The following GALNT13 variants were observed in gnomAD, a reference collection of about 807,000 sequenced individuals.
The protein encoded by GALNT13 is polypeptide N-acetylgalactosaminyltransferase 13.
Under a neutral mutation model 64.2 loss-of-function variants are expected in GALNT13, and 28 were observed. The ratio of observed to expected loss-of-function variants is 0.44; its 90% CI spans 0.32 to 0.60. The LOEUF (loss-of-function observed/expected upper bound fraction) is 0.60, where lower values mean the gene tolerates loss of function less well. GALNT13 is among the 20% of genes least tolerant of loss of function. The pLI is 0.05. For synonymous variants in GALNT13, 214 were observed against 224.6 expected, an observed-to-expected ratio of 0.95 and a Z score of 0.42; for missense variants, 577 against 669.8, an observed-to-expected ratio of 0.86 and a Z score of 1.53.
chr2:154,396,909 T>G (rs1194742463), intron 10 of GALNT13, among the ~76,000 whole-genome samples: 3 of 150,472 alleles, frequency 2.0e-5, no homozygotes, highest in African/African-American at 7.3e-5. Flanking sequence ...CTGTATATAA[T>G]GTATGTATAA....
At chr2:154,297,369 T>G (rs945160532) in intron 8 of GALNT13, among the ~76,000 whole-genome samples, 3 of 152,136 alleles carry the variant, frequency 2.0e-5, no homozygotes, top group Non-Finnish European at 4.4e-5. Flanking sequence ...ATTCATGTAT[T>G]GAAGCCTTCA....
chr2:153,564,297 A>G, the GALNT13 span, among the ~76,000 whole-genome samples: 1 of 152,066 alleles, frequency 6.6e-6, no homozygotes, highest in African/African-American at 2.4e-5. Context: ...TGCACTCTCA[A>G]TTCTATCCTC....
In GALNT13 at chr2:154,375,364, C is replaced by T. The variant is rs183512100; in HGVS notation, c.1157-20627C>T. Among the ~76,000 whole-genome samples, 15 of 152,186 alleles carry T rather than the reference C, an allele frequency of 9.9e-5. No individual in the cohort carries two copies. In the East Asian group the frequency reaches 2.7e-3, roughly 27 times the overall value. Reference sequence around the variant, plus strand: ...AAAAAGATAGAGCTATACATAGGGACAAGGAGGAAACACAGTAAGTCTTCA... The same window carrying T: ...AAAAAGATAGAGCTATACATAGGGATAAGGAGGAAACACAGTAAGTCTTCA... On this transcript the variant is annotated intron_variant, in intron 9 of 12. Transcript: ENST00000392825.
chr2:154,359,695 AC>A (rs1392535033), intron 9 of GALNT13, among the ~76,000 whole-genome samples: 1 of 152,132 alleles, frequency 6.6e-6, no homozygotes. Flanking sequence ...GAATGTAAAC[AC>A]AATTACCAAG....
chr2:154,454,885 A>G (rs1467705821), downstream of GALNT13, among the ~76,000 whole-genome samples: 2 of 152,106 alleles, frequency 1.3e-5, no homozygotes, highest in African/African-American at 4.8e-5. Flanking sequence ...TTTTCCTTCT[A>G]ATTATCTTCA....
the GALNT13 span, among the ~76,000 whole-genome samples, chr2:153,600,607 C>A: frequency 6.6e-6 from 1 of 151,972 alleles, no homozygotes. Flanking sequence ...CCTAATTGAT[C>A]AAGCTTTACA....
chr2:153,357,111 A>T, the GALNT13 span: 2 of 152,114 alleles, frequency 1.3e-5, no homozygotes, highest in Admixed American at 6.6e-5. Context: ...CCCGACAGAG[A>T]TCTGGAAATT....
chr2:153,745,466 G>C, the GALNT13 span, among the ~76,000 whole-genome samples: 1 of 152,094 alleles, frequency 6.6e-6, no homozygotes, highest in African/African-American at 2.4e-5. Flanking sequence ...TGAATGCAGA[G>C]AAATGTGTTA....
chr2:153,468,249 A>G, the GALNT13 span, among the ~76,000 whole-genome samples: 1 of 152,120 alleles, frequency 6.6e-6, no homozygotes, highest in Non-Finnish European at 1.5e-5. Context: ...TTCTCTACAC[A>G]GCACATTAAG....
At chr2:154,433,577 A>T (rs2105453895) in intron 11 of GALNT13, among the ~76,000 whole-genome samples, 1 of 152,290 alleles carries the variant, frequency 6.6e-6, no homozygotes, top group South Asian at 2.1e-4. Context: ...AAAAAGCTTA[A>T]GTCGTAAAAC....
chr2:154,456,234 C>A (rs72873831), downstream of GALNT13, among the ~76,000 whole-genome samples: 5 of 142,580 alleles, frequency 3.5e-5, no homozygotes, highest in Non-Finnish European at 7.7e-5. Flanking sequence ...GTAGCCACAG[C>A]TAGAAAGGAG....
intron 2 of GALNT13, among the ~76,000 whole-genome samples, chr2:153,932,819 G>A (rs1223118968): frequency 1.3e-5 from 2 of 151,492 alleles, no homozygotes; most frequent in Non-Finnish European, 2.9e-5. Context: ...GTAGAGATGG[G>A]GTTTCACTAT....
chr2:153,791,338 A>G, the GALNT13 span, among the ~76,000 whole-genome samples: 1 of 152,186 alleles, frequency 6.6e-6, no homozygotes, highest in African/African-American at 2.4e-5. Context: ...ATCTCACACC[A>G]GTCATAATGG....
chr2:154,279,011 A>G (rs1691812178), intron 8 of GALNT13, among the ~76,000 whole-genome samples: 1 of 152,158 alleles, frequency 6.6e-6, no homozygotes, highest in South Asian at 2.1e-4. Flanking sequence ...ATATGCGGTG[A>G]TATCTAAAAA....
the GALNT13 span, among the ~76,000 whole-genome samples, chr2:153,764,800 C>T: frequency 1.3e-5 from 2 of 152,202 alleles, no homozygotes; most frequent in South Asian, 2.1e-4. Flanking sequence ...CCCAGGGCCC[C>T]CTGCTGTGTG....
the GALNT13 span, among the ~76,000 whole-genome samples, chr2:153,818,764 A>G: frequency 3.3e-5 from 5 of 152,070 alleles, no homozygotes; most frequent in Non-Finnish European, 5.9e-5. Context: ...CTCCCCAGTA[A>G]AGGCCCACAG....
At chr2:153,762,209 TCTCTC>T in the GALNT13 span, 49,945 of 151,716 alleles carry the variant, frequency 0.33, 8,581 homozygotes, top group Non-Finnish European at 0.35. Context: ...ACACTATACT[TCTCTC>T]CTCTTTTTTT....
the GALNT13 span, among the ~76,000 whole-genome samples, chr2:153,651,860 G>A: frequency 6.6e-6 from 1 of 152,016 alleles, no homozygotes; most frequent in African/African-American, 2.4e-5. Flanking sequence ...AAGAAGATGT[G>A]GTATATTTGT....
intron 11 of GALNT13, among the ~76,000 whole-genome samples, chr2:154,428,651 C>G (rs541415173): frequency 4.6e-4 from 70 of 152,192 alleles, no homozygotes; most frequent in African/African-American, 1.6e-3. Flanking sequence ...TGGAGCATGT[C>G]TATTGGCTTC....
Sources: gnomAD v4.1 joint callset for allele counts (sites outside exome capture counted in the v4.1 genomes callset) on GRCh38, gnomAD v4.1.1 for gene constraint, MANE v1.5 for transcripts, NCBI Gene and HGNC (gene_info 2026-07-23, HGNC 2026-07-21) for gene names.